The following MALRD1 variants were observed in gnomAD, a reference collection of about 807,000 sequenced individuals.
The protein encoded by MALRD1 is MAM and LDL receptor class A domain containing 1.
In MALRD1, 247 loss-of-function variants were observed where a neutral mutation model predicts 242.1. That is an observed-to-expected ratio of 1.02 (90% CI 0.92 to 1.13). The LOEUF is 1.13. Ranked by LOEUF, MALRD1 falls within the 50% of genes most tolerant of loss-of-function variation. The pLI, the probability that MALRD1 is intolerant of heterozygous loss-of-function variation, is 0.00. For synonymous variants in MALRD1, 995 were observed against 866.6 expected (o/e 1.15, Z -2.60); for missense variants, 2,989 against 2,533.1 (o/e 1.18, Z -3.86).
intron 31 of MALRD1, among the ~76,000 whole-genome samples, chr10:19,518,720 T>C (rs1833747067): frequency 6.6e-6 from 1 of 152,194 alleles, no homozygotes; most frequent in African/African-American, 2.4e-5. Flanking sequence ...GAAAGGTACT[T>C]TTCTTAATAA....
chr10:19,541,208 C>T (rs1834952695), intron 32 of MALRD1, among the ~76,000 whole-genome samples: 1 of 152,080 alleles, frequency 6.6e-6, no homozygotes. Flanking sequence ...TCTGTTTATG[C>T]TGAACTTCAT....
chr10:19,461,054 T>C (rs1420650222), intron 29 of MALRD1, among the ~76,000 whole-genome samples: 1 of 152,168 alleles, frequency 6.6e-6, no homozygotes, highest in Non-Finnish European at 1.5e-5. Flanking sequence ...ACATGCCTAC[T>C]TGTTTAATTG....
chr10:19,209,423 C>A lies in MALRD1; in HGVS notation c.2734C>A (p.Leu912Ile), dbSNP rs1322542433. ...TCTGGGCACAGCTAAAGGACACTAT[C>A]TCTACATAGAATCTTCAGAGCCACA... ...NTLGTAKGHYLYIESSEPQAF... is the reference protein window; with the variant it reads ...NTLGTAKGHYIYIESSEPQAF... The change falls in exon 18 of 40, where the codon CTC (leucine) becomes ATC (isoleucine). Residue 912 changes from leucine (L) to isoleucine (I), a missense_variant. Transcript: ENST00000454679. The A allele has an allele frequency of 1.3e-6, 2 of 1,551,016 alleles. No homozygotes were observed. The highest frequency in any genetic ancestry group is 1.7e-6 in the Non-Finnish European group (2 of 1,147,088).
chr10:19,472,961 CAT>C (rs1589130661), intron 29 of MALRD1, among the ~76,000 whole-genome samples: 1 of 150,950 alleles, frequency 6.6e-6, no homozygotes, highest in Admixed American at 6.6e-5. Context: ...ATATCCTTCG[CAT>C]ATATTTTTTA....
chr10:19,485,537 G>T (rs1415722283), intron 29 of MALRD1, among the ~76,000 whole-genome samples: 2 of 151,852 alleles, frequency 1.3e-5, no homozygotes, highest in African/African-American at 4.8e-5. Flanking sequence ...CAGCTACTGG[G>T]GAGGCTGAGG....
intron 18 of MALRD1, among the ~76,000 whole-genome samples, chr10:19,217,256 C>T (rs1837359363): frequency 6.6e-6 from 1 of 152,114 alleles, no homozygotes; most frequent in South Asian, 2.1e-4. Flanking sequence ...GCCCATGTTT[C>T]TGTGTGCCTC....
intron 14 of MALRD1, among the ~76,000 whole-genome samples, chr10:19,187,909 T>C (rs1039958391): frequency 1.3e-5 from 2 of 152,142 alleles, no homozygotes; most frequent in African/African-American, 4.8e-5. Flanking sequence ...TCGTGCAACA[T>C]TGCCATGTAA....
chr10:19,609,659 T>C (rs1838798861), intron 35 of MALRD1, among the ~76,000 whole-genome samples: 1 of 152,062 alleles, frequency 6.6e-6, no homozygotes, highest in Admixed American at 6.6e-5. Flanking sequence ...CTACATATAT[T>C]TCAATGAATC....
At chr10:19,140,543 A>ATGTG (rs34024633) in intron 10 of MALRD1, among the ~76,000 whole-genome samples, 356 of 147,078 alleles carry the variant, frequency 2.4e-3, no homozygotes, top group African/African-American at 6.2e-3. Flanking sequence ...GTGTGTGTGT[A>ATGTG]TGTGTGTGTG....
At chr10:19,156,959 A>G (rs7093764) in intron 12 of MALRD1, among the ~76,000 whole-genome samples, 2 of 151,946 alleles carry the variant, frequency 1.3e-5, no homozygotes, top group African/African-American at 4.8e-5. Flanking sequence ...TCTAAAGGCT[A>G]TGGATACTGA....
In MALRD1 at chr10:19,048,932, C is replaced by G; in HGVS notation, c.-7C>G. On this transcript the variant is annotated 5_prime_UTR_variant, in exon 1 of 40. Coordinates refer to ENST00000454679, the MANE Select transcript of MALRD1 (RefSeq NM_001142308.3). ...ACTGCTTGATCTCTAATAGACAATACCAAGTAATGCTCTTCTTCCTGGACA... is the reference window on the plus strand; with the variant it reads ...ACTGCTTGATCTCTAATAGACAATAGCAAGTAATGCTCTTCTTCCTGGACA... 8.1e-7 allele frequency: 1 copy of G among 1,233,474 alleles called. No homozygotes were observed. The highest frequency in any genetic ancestry group is 1.0e-6 in the Non-Finnish European group (1 of 987,756). 76.4% of individuals were successfully genotyped at this position (1,233,474 alleles called of 1,614,324 possible).
At chr10:19,400,525 G>A (rs144216272) in intron 28 of MALRD1, among the ~76,000 whole-genome samples, 2 of 152,256 alleles carry the variant, frequency 1.3e-5, no homozygotes, top group African/African-American at 4.8e-5. Flanking sequence ...TTAGTGCCTA[G>A]CACATAGTAG....
At chr10:19,113,814 C>G (rs1027260781) in intron 5 of MALRD1, among the ~76,000 whole-genome samples, 1 of 147,230 alleles carries the variant, frequency 6.8e-6, no homozygotes, top group African/African-American at 2.5e-5. Flanking sequence ...CACACACACA[C>G]ACACACACAC....
At chr10:19,503,727 T>C (rs78751218) in intron 31 of MALRD1, among the ~76,000 whole-genome samples, 5,346 of 152,326 alleles carry the variant, frequency 0.035, 179 homozygotes, top group African/African-American at 0.087. Context: ...TCTTTTGCTA[T>C]TGTTACGTCT....
intron 34 of MALRD1, among the ~76,000 whole-genome samples, chr10:19,601,409 G>T (rs1589292032): frequency 6.6e-6 from 1 of 151,868 alleles, no homozygotes; most frequent in Non-Finnish European, 1.5e-5. Flanking sequence ...AATGTTATTT[G>T]CTTCATGGAT....
At chr10:19,235,993 AC>A in intron 18 of MALRD1, among the ~76,000 whole-genome samples, 1 of 152,294 alleles carries the variant, frequency 6.6e-6, no homozygotes, top group East Asian at 1.9e-4. Flanking sequence ...AAGATAATAA[AC>A]ATATAGAGAT....
At chr10:19,275,805 T>G (rs181226563) in intron 19 of MALRD1, among the ~76,000 whole-genome samples, 2 of 152,242 alleles carry the variant, frequency 1.3e-5, no homozygotes, top group African/African-American at 4.8e-5. Context: ...TGTTTCCATT[T>G]AGCTGTTTAT....
chr10:19,289,787 T>C (rs1841318959), intron 21 of MALRD1, among the ~76,000 whole-genome samples: 1 of 152,184 alleles, frequency 6.6e-6, no homozygotes, highest in African/African-American at 2.4e-5. Context: ...CATCTTGCTA[T>C]AGAAATTTAA....
intron 11 of MALRD1, among the ~76,000 whole-genome samples, chr10:19,154,181 G>A (rs1013525492): frequency 6.6e-6 from 1 of 152,092 alleles, no homozygotes; most frequent in South Asian, 2.1e-4. Flanking sequence ...ATATAAACTG[G>A]GTTCTATTTT....
Sources: gnomAD v4.1 joint callset for allele counts (sites outside exome capture counted in the v4.1 genomes callset) on GRCh38, gnomAD v4.1.1 for gene constraint, MANE v1.5 for transcripts, NCBI Gene and HGNC (gene_info 2026-07-23, HGNC 2026-07-21) for gene names.